The following ZNF679 variants were observed in gnomAD, a reference collection of about 807,000 sequenced individuals.
The protein encoded by ZNF679 is zinc finger protein 679, also known as hypothetical protein MGC42415.
A neutral mutation model predicts 13.4 loss-of-function variants in ZNF679; 10 were observed. The observed-to-expected ratio is 0.75, with a 90% CI of 0.46 to 1.27. ZNF679 has a LOEUF of 1.27. ZNF679 is among the 50% of genes most tolerant of loss of function. The pLI is 0.00. For missense variants in ZNF679, 525 were observed against 477.8 expected (o/e 1.10, Z -0.92); for synonymous variants, 179 against 162.5 (o/e 1.10, Z -0.77).
At chr7:64,236,940 A>T (rs1288657111) in intron 1 of ZNF679, among the ~76,000 whole-genome samples, 3 of 47,086 alleles carry the variant, frequency 6.4e-5, no homozygotes, top group African/African-American at 3.6e-4. Context: ...AAAGAAAGAA[A>T]GAAAGAAAGA....
At chr7:64,249,335 G>C (rs1251749140) in intron 2 of ZNF679, among the ~76,000 whole-genome samples, 179 bp downstream of exon 2, 2 of 152,148 alleles carry the variant, frequency 1.3e-5, no homozygotes, top group African/African-American at 4.8e-5. Flanking sequence ...CTGGGCCAGC[G>C]GCTAGGACCC....
At chr7:64,263,263 T>G (rs1484194483) in intron 4 of ZNF679, among the ~76,000 whole-genome samples, 1 of 152,104 alleles carries the variant, frequency 6.6e-6, no homozygotes, top group Non-Finnish European at 1.5e-5. Context: ...AGCTAATTTT[T>G]AATTATTTGT....
chr7:64,231,741 G>T (rs1182313017), intron 1 of ZNF679, among the ~76,000 whole-genome samples: 2 of 152,180 alleles, frequency 1.3e-5, no homozygotes, highest in Non-Finnish European at 2.9e-5. Context: ...CCTGAAGGCG[G>T]GGCCCAGGCA....
intron 1 of ZNF679, among the ~76,000 whole-genome samples, chr7:64,230,569 G>A (rs1787624360): frequency 6.6e-6 from 1 of 151,890 alleles, no homozygotes; most frequent in African/African-American, 2.4e-5. Context: ...AAAAGAAAAG[G>A]GCCAAGAACA....
chr7:64,238,545 G>A (rs1411863282), intron 1 of ZNF679, among the ~76,000 whole-genome samples: 6 of 151,968 alleles, frequency 3.9e-5, no homozygotes, highest in South Asian at 2.1e-4. Context: ...CCACCACCAC[G>A]CCTAGCTAAT....
chr7:64,246,791 G>A (rs1395152933), intron 1 of ZNF679, among the ~76,000 whole-genome samples: 1 of 151,626 alleles, frequency 6.6e-6, no homozygotes, highest in African/African-American at 2.4e-5. Context: ...AGGAAGGAAG[G>A]GAGGGATTTT....
chr7:64,236,924 AG>A (rs1405906018), intron 1 of ZNF679, among the ~76,000 whole-genome samples: 9 of 32,028 alleles, frequency 2.8e-4, no homozygotes, highest in African/African-American at 1.1e-3. Context: ...GAAAGAAAGA[AG>A]AAAGAAAGAA....
intron 4 of ZNF679, among the ~76,000 whole-genome samples, chr7:64,262,398 G>A (rs1192383178): frequency 1.3e-5 from 2 of 152,106 alleles, no homozygotes; most frequent in East Asian, 1.9e-4. Flanking sequence ...CTAAGAAAAT[G>A]GTGCCAAGAC....
chr7:64,254,410 C>G (rs931632924), intron 2 of ZNF679, among the ~76,000 whole-genome samples: 3 of 152,052 alleles, frequency 2.0e-5, no homozygotes, highest in African/African-American at 7.2e-5. Context: ...AGCCATCATG[C>G]CAGGCTGGAG....
intron 2 of ZNF679, among the ~76,000 whole-genome samples, chr7:64,251,067 A>G (rs563207742): frequency 6.6e-6 from 1 of 152,304 alleles, no homozygotes; most frequent in Admixed American, 6.5e-5. Context: ...ACTTACACTA[A>G]TTATTTTTTT....
rs1218646354 is a variant in ZNF679, at chr7:64,266,062, A to G, written c.429A>G (p.Glu143=). 1.9e-6 allele frequency: 3 copies of G among 1,613,324 alleles called. No homozygotes were observed. In the Admixed American group the frequency reaches 5.0e-5, roughly 27 times the overall value. Residue 143 remains glutamate (E), a synonymous_variant, in exon 5 of 5, where the codon GAA becomes GAG. Coordinates refer to ENST00000421025, the MANE Select transcript of ZNF679 (RefSeq NM_153363.3). The part of the protein sequence containing the change: ...ECEVQKGGCN[E]VNQCLSTTQN... ...AGGTGCAAAAAGGAGGTTGTAATGA[A>G]GTTAACCAATGTTTGTCAACTACCC...
intron 1 of ZNF679, among the ~76,000 whole-genome samples, chr7:64,246,002 G>C (rs547652056): frequency 6.6e-6 from 1 of 152,198 alleles, no homozygotes; most frequent in Non-Finnish European, 1.5e-5. Context: ...GCGAGACTCC[G>C]TCTCAAAACA....
intron 1 of ZNF679, among the ~76,000 whole-genome samples, chr7:64,240,499 C>A (rs2116516902): frequency 6.6e-6 from 1 of 152,254 alleles, no homozygotes; most frequent in South Asian, 2.1e-4. Context: ...TTGTATGAAG[C>A]CCGCATGTGA....
intron 1 of ZNF679, among the ~76,000 whole-genome samples, chr7:64,237,073 T>C (rs926444348): frequency 6.6e-6 from 1 of 152,036 alleles, no homozygotes; most frequent in Admixed American, 6.6e-5. Flanking sequence ...TGGTTAGGGC[T>C]ACAGAGACTG....
chr7:64,231,075 G>A (rs1267700926), intron 1 of ZNF679, among the ~76,000 whole-genome samples: 2 of 152,182 alleles, frequency 1.3e-5, no homozygotes, highest in Non-Finnish European at 2.9e-5. Flanking sequence ...TGTGTGCTGA[G>A]CCCTGTTATG....
At chr7:64,247,516 G>T (rs1787884679) in intron 1 of ZNF679, among the ~76,000 whole-genome samples, 2 of 152,048 alleles carry the variant, frequency 1.3e-5, no homozygotes, top group Admixed American at 6.6e-5. Context: ...TGGATATATT[G>T]GACTGATTAA....
intron 4 of ZNF679, among the ~76,000 whole-genome samples, chr7:64,263,099 T>A (rs1788099663): frequency 6.6e-6 from 1 of 150,576 alleles, no homozygotes; most frequent in Non-Finnish European, 1.5e-5. Flanking sequence ...TCTTCTTAAA[T>A]TTTTTTTTTA....
intron 2 of ZNF679, among the ~76,000 whole-genome samples, chr7:64,257,813 C>T (rs1214280043): frequency 2.0e-5 from 3 of 152,148 alleles, no homozygotes; most frequent in Admixed American, 6.6e-5. Flanking sequence ...TTTGCTGTGC[C>T]TGCTTTCTCT....
At chr7:64,258,679 C>T (rs1051894683) in intron 2 of ZNF679, among the ~76,000 whole-genome samples, 2 of 144,484 alleles carry the variant, frequency 1.4e-5, no homozygotes, top group Admixed American at 1.5e-4. Context: ...CCAGCCTGCT[C>T]GACAGAGCAA....
Sources: gnomAD v4.1 joint callset for allele counts (sites outside exome capture counted in the v4.1 genomes callset) on GRCh38, gnomAD v4.1.1 for gene constraint, MANE v1.5 for transcripts, NCBI Gene and HGNC (gene_info 2026-07-23, HGNC 2026-07-21) for gene names.